The following SLC7A7 variants were observed in gnomAD, a reference collection of about 807,000 sequenced individuals.
SLC7A7 encodes solute carrier family 7 member 7.
A neutral mutation model predicts 47.9 loss-of-function variants in SLC7A7; 39 were observed. The observed-to-expected ratio is 0.81, with a 90% CI of 0.63 to 1.06. The LOEUF (loss-of-function observed/expected upper bound fraction) is 1.06. SLC7A7 is among the 50% of genes least tolerant of loss of function. The probability of loss-of-function intolerance (pLI) is 0.00; values close to 1 mark genes in which losing one functional copy is unlikely to be tolerated. For synonymous variants in SLC7A7, 234 were observed against 242.8 expected, an observed-to-expected ratio of 0.96 and a Z score of 0.34; for missense variants, 588 against 632.0, an observed-to-expected ratio of 0.93 and a Z score of 0.75.
rs200893526 is a variant in SLC7A7, at chr14:22,795,374, A to ATTGCTTGC, written c.500-15331_500-15324dup. Among the ~76,000 whole-genome samples, 42 of 11,428 alleles carry ATTGCTTGC rather than the reference A, an allele frequency of 3.7e-3. 2 individuals are homozygous for ATTGCTTGC. The highest frequency in any genetic ancestry group is 0.013 in the South Asian group (4 of 304). The allele number at this position is 11,428 out of a possible 152,430, so 7.5% of individuals were successfully genotyped here. A position where few individuals can be genotyped will look rare whatever the true frequency, so the allele number is the denominator to read the frequency against. On this transcript the variant is annotated intron_variant, in intron 2 of 9. Coordinates refer to ENST00000674313, the MANE Select transcript of SLC7A7 (RefSeq NM_003982.4). ...GTGAGCCACCGTGCCCAATCTGAGT[A>ATTGCTTGC]TTGCTTGCTTGCTTTCTTTCTTTCT... is the stretch of plus-strand genomic sequence containing the variant.
chr14:22,810,405 T>C (rs1594982091), intron 2 of SLC7A7, among the ~76,000 whole-genome samples: 1 of 137,124 alleles, frequency 7.3e-6, no homozygotes, highest in Non-Finnish European at 1.5e-5. Flanking sequence ...GAGGTTGCGG[T>C]GAGCCAAGAT....
In SLC7A7 at chr14:22,808,254, T is replaced by C. The variant is rs1373169352; in HGVS notation, c.499+4646A>G. Among the ~76,000 whole-genome samples the C allele has an allele frequency of 3.3e-5, 5 of 152,336 alleles. No individual in the cohort carries two copies. The South Asian group carries it at 6.2e-4, about 19-fold the overall frequency. ...TGCATGACAATTATTTGTTAACATG[T>C]CAGTCTCCTTTCTGGACTATAAATT... On this transcript the variant is annotated intron_variant, in intron 2 of 9. Coordinates refer to ENST00000674313, the MANE Select transcript of SLC7A7 (RefSeq NM_003982.4).
chr14:22,816,729 G>A (rs1422671177), upstream of SLC7A7, among the ~76,000 whole-genome samples: 1 of 151,988 alleles, frequency 6.6e-6, no homozygotes, highest in East Asian at 1.9e-4. Context: ...TCTCCTATCT[G>A]TTCTAACCCT....
chr14:22,781,711 A>G (rs2038722644), intron 2 of SLC7A7, among the ~76,000 whole-genome samples: 1 of 151,950 alleles, frequency 6.6e-6, no homozygotes, highest in Non-Finnish European at 1.5e-5. Context: ...GCCTCCAGCC[A>G]CTCAACAGCT....
intron 2 of SLC7A7, among the ~76,000 whole-genome samples, chr14:22,791,001 A>AG (rs2038915679): frequency 6.6e-6 from 1 of 150,922 alleles, no homozygotes; most frequent in Non-Finnish European, 1.5e-5. Flanking sequence ...CGTCTCACAA[A>AG]AAAAAAAAAA....
chr14:22,818,582 G>A (rs114205382), upstream of SLC7A7, among the ~76,000 whole-genome samples: 2 of 75,050 alleles, frequency 2.7e-5, no homozygotes, highest in Non-Finnish European at 3.1e-5. Context: ...CCAGGTTTTT[G>A]GTTTTTTTTT....
chr14:22,783,125 G>A (rs2038749748), intron 2 of SLC7A7, among the ~76,000 whole-genome samples: 1 of 151,684 alleles, frequency 6.6e-6, no homozygotes, highest in South Asian at 2.1e-4. Context: ...GTAGAGACAG[G>A]GTTTCACCAT....
chr14:22,787,764 T>A (rs190646951), intron 2 of SLC7A7, among the ~76,000 whole-genome samples: 98 of 137,390 alleles, frequency 7.1e-4, no homozygotes, highest in African/African-American at 2.5e-3. Context: ...TCAAAAAAAA[T>A]TTTTTTAATA....
At chr14:22,814,265 C>T (rs1176128133) in intron 1 of SLC7A7, among the ~76,000 whole-genome samples, 1 of 151,522 alleles carries the variant, frequency 6.6e-6, no homozygotes, top group Non-Finnish European at 1.5e-5. Flanking sequence ...GGGCAGATCA[C>T]CTAAAGTCGG....
intron 2 of SLC7A7, among the ~76,000 whole-genome samples, chr14:22,788,108 C>T (rs1014264055): frequency 1.3e-5 from 2 of 152,082 alleles, no homozygotes; most frequent in African/African-American, 2.4e-5. Flanking sequence ...CTAAGATCAA[C>T]AGAGCTGTAT....
Position 22,774,028 on chromosome 14 carries a change from A to T in SLC7A7, c.1334T>A (p.Ile445Asn). The T allele has an allele frequency of 6.2e-7, 1 of 1,614,094 alleles. No homozygotes were observed. The highest frequency in any genetic ancestry group is 8.5e-7 in the Non-Finnish European group (1 of 1,180,010). ...PLYSDTINSLIGIAIALSGLP... is the reference protein window; with the variant it reads ...PLYSDTINSLNGIAIALSGLP... ...GCCTGAGAGGGCAATGGCAATGCCG[A>T]TGAGGGAGTTGATAGTATCACTGTA... The change falls in exon 9 of 10, where the codon ATC becomes AAC. Residue 445 changes from isoleucine (I) to asparagine (N), a missense_variant. By Grantham distance (149) the Ile-to-Asn change is moderately radical. Transcript: ENST00000674313.
intron 2 of SLC7A7, among the ~76,000 whole-genome samples, chr14:22,799,468 T>TTG: frequency 7.0e-6 from 1 of 143,100 alleles, no homozygotes; most frequent in Admixed American, 7.0e-5. Context: ...TTTTTTTTTT[T>TTG]TTTTGAGACA....
At chr14:22,779,176 G>A (rs575316131) in intron 3 of SLC7A7, among the ~76,000 whole-genome samples, 101 of 152,244 alleles carry the variant, frequency 6.6e-4, no homozygotes, top group Admixed American at 8.5e-4. Flanking sequence ...AAGGGTCCAG[G>A]GTAGCTTTCT....
intron 2 of SLC7A7, among the ~76,000 whole-genome samples, chr14:22,789,176 T>C (rs923369945): frequency 7.2e-5 from 11 of 152,182 alleles, no homozygotes; most frequent in African/African-American, 2.7e-4. Flanking sequence ...CCACCTTAAG[T>C]TATCACTTCA....
At chr14:22,793,623 G>A (rs2038963682) in intron 2 of SLC7A7, among the ~76,000 whole-genome samples, 1 of 151,970 alleles carries the variant, frequency 6.6e-6, no homozygotes, top group Non-Finnish European at 1.5e-5. Flanking sequence ...ACCAGCCTGG[G>A]CAACATGGTG....
chr14:22,809,902 G>A (rs1053293579), intron 2 of SLC7A7, among the ~76,000 whole-genome samples: 1 of 151,980 alleles, frequency 6.6e-6, no homozygotes, highest in Admixed American at 6.6e-5. Context: ...AGCTTGGCGT[G>A]GTGGCGGGCG....
chr14:22,810,213 C>T (rs1317371962), intron 2 of SLC7A7, among the ~76,000 whole-genome samples: 1 of 151,810 alleles, frequency 6.6e-6, no homozygotes, highest in Non-Finnish European at 1.5e-5. Context: ...GCCTGTAATC[C>T]CAGCACTTTG....
At chr14:22,801,970 T>C (rs2039122912) in intron 2 of SLC7A7, among the ~76,000 whole-genome samples, 1 of 152,214 alleles carries the variant, frequency 6.6e-6, no homozygotes, top group Non-Finnish European at 1.5e-5. Context: ...CTTTCCTAAA[T>C]TCCAAAGAGC....
chr14:22,791,618 C>G (rs1414662099), intron 2 of SLC7A7, among the ~76,000 whole-genome samples: 1 of 152,122 alleles, frequency 6.6e-6, no homozygotes, highest in African/African-American at 2.4e-5. Flanking sequence ...TGGGGGAAGG[C>G]CAAACCCCAC....
Sources: allele counts gnomAD v4.1 joint callset (sites outside exome capture counted in the v4.1 genomes callset), GRCh38; gene constraint gnomAD v4.1.1; transcripts MANE v1.5; gene names NCBI Gene and HGNC (gene_info 2026-07-23, HGNC 2026-07-21).